The following AFF3 variants were observed in gnomAD, a reference collection of about 807,000 sequenced individuals.
AFF3 encodes ALF transcription elongation factor 3.
A neutral mutation model predicts 129.7 loss-of-function variants in AFF3; 32 were observed. That is an observed-to-expected ratio of 0.25 (90% CI 0.19 to 0.33). The LOEUF (loss-of-function observed/expected upper bound fraction) is 0.33. Ranked by LOEUF, AFF3 falls within the 10% of genes least tolerant of loss-of-function variation. The probability of loss-of-function intolerance (pLI) is 1.00; values close to 1 mark genes in which losing one functional copy is unlikely to be tolerated. For synonymous variants in AFF3, 644 were observed against 635.4 expected, an observed-to-expected ratio of 1.01 and a Z score of -0.20; for missense variants, 1,373 against 1,592.0, an observed-to-expected ratio of 0.86 and a Z score of 2.34.
chr2:99,976,290 A>G (rs1339179342), intron 7 of AFF3, among the ~76,000 whole-genome samples: 1 of 152,128 alleles, frequency 6.6e-6, no homozygotes, highest in African/African-American at 2.4e-5. Context: ...CTGGTCATCA[A>G]TTAAGAGTTT....
At chr2:99,924,451 C>T (rs1558979575) in intron 7 of AFF3, among the ~76,000 whole-genome samples, 2 of 152,308 alleles carry the variant, frequency 1.3e-5, no homozygotes, top group East Asian at 1.9e-4. Context: ...CAATTCATGT[C>T]TGAAATATAT....
intron 7 of AFF3, among the ~76,000 whole-genome samples, chr2:99,903,185 G>A (rs1694475398): frequency 6.6e-6 from 1 of 152,148 alleles, no homozygotes; most frequent in South Asian, 2.1e-4. Context: ...CACGTTGTGT[G>A]CCATTTAGAG....
chr2:99,552,940 A>AT (rs1463570968), intron 24 of AFF3, among the ~76,000 whole-genome samples: 1 of 151,596 alleles, frequency 6.6e-6, no homozygotes, highest in Admixed American at 6.6e-5. Flanking sequence ...TCTTTTCTTT[A>AT]TTTTTTCCTT....
chr2:99,672,706 T>A (rs766778143), intron 11 of AFF3, 117 bp from the exon 12 acceptor site: 1 of 972,196 alleles, frequency 1.0e-6, no homozygotes, highest in Non-Finnish European at 1.6e-6. Flanking sequence ...GAAATAAGTC[T>A]ATTTGATTTC....
chr2:100,050,457 GT>G (rs899250396), intron 4 of AFF3, among the ~76,000 whole-genome samples: 3 of 151,978 alleles, frequency 2.0e-5, no homozygotes, highest in African/African-American at 7.3e-5. Flanking sequence ...GAATATTCTT[GT>G]TTTTAGATCC....
At chr2:100,035,494 C>T (rs764488782) in intron 4 of AFF3, among the ~76,000 whole-genome samples, 31 of 152,130 alleles carry the variant, frequency 2.0e-4, no homozygotes, top group Non-Finnish European at 4.6e-4. Context: ...GCTGAAGCAA[C>T]CTACTAACTT....
intron 11 of AFF3, among the ~76,000 whole-genome samples, chr2:99,726,537 T>C (rs1050097584): frequency 6.6e-6 from 1 of 152,236 alleles, no homozygotes; most frequent in African/African-American, 2.4e-5. Flanking sequence ...CCTTGAATAT[T>C]GAGAAGAAAC....
intron 13 of AFF3, among the ~76,000 whole-genome samples, chr2:99,629,187 C>T (rs1354557394): frequency 1.3e-5 from 2 of 152,154 alleles, no homozygotes; most frequent in Non-Finnish European, 2.9e-5. Flanking sequence ...ACTGCTCTGG[C>T]CAGAACTTCC....
At chr2:99,914,031 C>T (rs759166525) in intron 7 of AFF3, among the ~76,000 whole-genome samples, 1 of 152,116 alleles carries the variant, frequency 6.6e-6, no homozygotes, top group South Asian at 2.1e-4. Flanking sequence ...GTACCACCAA[C>T]GAATGCTAAA....
At chr2:99,945,050 G>C (rs1485263358) in intron 7 of AFF3, among the ~76,000 whole-genome samples, 1 of 152,174 alleles carries the variant, frequency 6.6e-6, no homozygotes, top group African/African-American at 2.4e-5. Context: ...ACAAAGGCAT[G>C]ACCTGCATCC....
intron 7 of AFF3, among the ~76,000 whole-genome samples, chr2:99,928,058 C>T (rs7595400): frequency 0.14 from 21,180 of 152,246 alleles, 1,814 homozygotes; most frequent in Non-Finnish European, 0.18. Context: ...ATGTGACTTG[C>T]TCCTCCTTGC....
Position 99,554,462 on chromosome 2 carries a change from G to C in AFF3, c.3408C>G (p.Leu1136=), listed in dbSNP as rs1015661536. ...ACGGGGACAGGGCGCTGGCGTTGGA[G>C]AGGCTGCCCTGAGACCCCACGGAGC... ...PASSVGSQGS[L]SNASALSPST... Residue 1136 remains leucine (L), a synonymous_variant, in exon 24 of 25, where the codon CTC becomes CTG. Coordinates refer to ENST00000672756, the MANE Select transcript of AFF3 (RefSeq NM_001386135.1). 9 of 1,613,942 alleles carry C rather than the reference G, an allele frequency of 5.6e-6. No individual in the cohort carries two copies. Among genetic ancestry groups the C allele is most frequent in the Admixed American group, 3.3e-5 (2 of 60,002 alleles).
At chr2:99,930,266 C>A (rs1358148540) in intron 7 of AFF3, among the ~76,000 whole-genome samples, 1 of 152,186 alleles carries the variant, frequency 6.6e-6, no homozygotes, top group Admixed American at 6.5e-5. Flanking sequence ...AGCTGGTCCC[C>A]TTCCAGGGCT....
At chr2:99,615,155 A>G (rs1279277895) in intron 13 of AFF3, among the ~76,000 whole-genome samples, 1 of 152,182 alleles carries the variant, frequency 6.6e-6, no homozygotes, top group East Asian at 1.9e-4. Context: ...AGATCTGTAC[A>G]TGTCACTGGG....
chr2:100,026,544 C>T (rs1684056439), intron 4 of AFF3, among the ~76,000 whole-genome samples: 1 of 152,064 alleles, frequency 6.6e-6, no homozygotes, highest in Non-Finnish European at 1.5e-5. Flanking sequence ...AATCCCACTA[C>T]TGGGTATCTA....
At chr2:99,838,236 G>A (rs943748366) in intron 7 of AFF3, among the ~76,000 whole-genome samples, 3 of 152,172 alleles carry the variant, frequency 2.0e-5, no homozygotes, top group Admixed American at 2.0e-4. Context: ...CAGGATGTGG[G>A]TTTGTGGGGA....
intron 4 of AFF3, among the ~76,000 whole-genome samples, chr2:100,052,571 C>G (rs1439883912): frequency 6.6e-6 from 1 of 152,094 alleles, no homozygotes; most frequent in Admixed American, 6.6e-5. Flanking sequence ...ACTCCTTGTC[C>G]CCACTCTATG....
intron 4 of AFF3, among the ~76,000 whole-genome samples, chr2:100,012,206 G>C (rs1682613618): frequency 6.6e-6 from 1 of 152,104 alleles, no homozygotes; most frequent in East Asian, 1.9e-4. Flanking sequence ...GATGAACCCA[G>C]AATGACTCAA....
chr2:99,812,445 T>G (rs1008711784), intron 8 of AFF3, among the ~76,000 whole-genome samples: 2 of 152,200 alleles, frequency 1.3e-5, no homozygotes, highest in African/African-American at 4.8e-5. Context: ...CAGTACCTGA[T>G]GCAGCAGCCT....
Sources: gnomAD v4.1 joint callset for allele counts (sites outside exome capture counted in the v4.1 genomes callset) on GRCh38, gnomAD v4.1.1 for gene constraint, MANE v1.5 for transcripts, NCBI Gene and HGNC (gene_info 2026-07-23, HGNC 2026-07-21) for gene names.